The following UTRN variants were observed in gnomAD, a reference collection of about 807,000 sequenced individuals.
UTRN encodes utrophin.
In UTRN, 283 loss-of-function variants were observed where a neutral mutation model predicts 463.9. That is an observed-to-expected ratio of 0.61 (90% CI 0.55 to 0.67). The LOEUF (loss-of-function observed/expected upper bound fraction) is 0.67, where lower values mean the gene tolerates loss of function less well. Ranked by LOEUF, UTRN falls within the 30% of genes least tolerant of loss-of-function variation. The pLI is 0.00. For missense variants in UTRN, 3,922 were observed against 4,084.3 expected, an observed-to-expected ratio of 0.96 and a Z score of 1.08; for synonymous variants, 1,442 against 1,431.5, an observed-to-expected ratio of 1.01 and a Z score of -0.17.
chr6:144,295,619 G>A (rs1804609568), intron 2 of UTRN, among the ~76,000 whole-genome samples: 2 of 152,180 alleles, frequency 1.3e-5, no homozygotes, highest in African/African-American at 4.8e-5. Context: ...GGATCTAATT[G>A]TTGAGGGAAC....
intron 54 of UTRN, among the ~76,000 whole-genome samples, chr6:144,746,941 A>G (rs965667809): frequency 6.6e-6 from 1 of 152,224 alleles, no homozygotes; most frequent in Non-Finnish European, 1.5e-5. Flanking sequence ...TGCGGTTGCT[A>G]AATATCAATG....
In UTRN at chr6:144,493,387, G is replaced by T. The variant is rs761437286; in HGVS notation, c.4524G>T (p.Thr1508=). 6.2e-7 allele frequency: 1 copy of T among 1,613,884 alleles called. No individual in the cohort carries two copies. Among genetic ancestry groups the T allele is most frequent in the East Asian group, 2.2e-5 (1 of 44,892 alleles). The change falls in exon 33 of 75, where the codon ACG becomes ACT. Residue 1508 remains threonine, a synonymous_variant. Coordinates refer to ENST00000367545, the MANE Select transcript of UTRN (RefSeq NM_007124.3). The stretch of plus-strand genomic sequence containing the variant: ...GACATATTGTCCAGAAACAGCAAAC[G>T]GACAACCCAAAAGGGATGGATGAGC... ...TGRHIVQKQQ[T]DNPKGMDEQL...
At chr6:144,478,954 G>A (rs1043222179) in intron 25 of UTRN, among the ~76,000 whole-genome samples, 7 of 152,054 alleles carry the variant, frequency 4.6e-5, no homozygotes, top group Non-Finnish European at 1.0e-4. Context: ...GTGTCTGTGT[G>A]GCATATACAA....
chr6:144,653,217 T>TC (rs1469566372), intron 51 of UTRN, among the ~76,000 whole-genome samples: 3 of 151,752 alleles, frequency 2.0e-5, no homozygotes, highest in South Asian at 2.1e-4. Flanking sequence ...TACATATCAC[T>TC]CCCCCCCTTT....
chr6:144,563,958 CCAATGCCCACAGAAA>C lies in UTRN; in HGVS notation c.7289+6660_7289+6674del, dbSNP rs369779929. Among the ~76,000 whole-genome samples, 418 of 152,236 alleles carry C rather than the reference CCAATGCCCACAGAAA, an allele frequency of 2.7e-3. 1 individual carries two copies. Among genetic ancestry groups the C allele is most frequent in the African/African-American group, 9.6e-3 (397 of 41,542 alleles). On this transcript the variant is annotated intron_variant, in intron 50 of 74. Coordinates refer to ENST00000367545, the MANE Select transcript of UTRN (RefSeq NM_007124.3). ...GCTCCATATCAAACAAACTAAAGAG[CCAATGCCCACAGAAA>C]CAATGCCCACAGTCTTTGTTTTTGT...
chr6:144,526,644 G>A (rs1414365644), intron 41 of UTRN, among the ~76,000 whole-genome samples: 6 of 150,524 alleles, frequency 4.0e-5, no homozygotes, highest in Non-Finnish European at 8.9e-5. Context: ...CTTCTATTCC[G>A]TATCTTTTAA....
intron 2 of UTRN, among the ~76,000 whole-genome samples, chr6:144,384,365 T>C (rs1159484729): frequency 1.3e-5 from 2 of 152,084 alleles, no homozygotes; most frequent in Middle Eastern, 3.2e-3. Flanking sequence ...ACGAACCCTA[T>C]TGTGGACTGT....
chr6:144,699,662 C>CGCACGT lies in UTRN; in HGVS notation c.7653-425_7653-424insGCACGT, dbSNP rs552466967. 1.5e-3 allele frequency among the ~76,000 whole-genome samples: 232 copies of CGCACGT among 150,282 alleles called. 2 individuals carry two copies. The highest frequency in any genetic ancestry group is 5.4e-3 in the African/African-American group (223 of 41,232). On this transcript the variant is annotated intron_variant, in intron 52 of 74. Coordinates refer to ENST00000367545, the MANE Select transcript of UTRN (RefSeq NM_007124.3). ...TATTTGGATGTGCGTATATACTATA[C>CGCACGT]ATAAACTATCAAAACTTGGTTTATA... is the stretch of plus-strand genomic sequence containing the variant.
chr6:144,759,184 A>G (rs956951988), intron 58 of UTRN, among the ~76,000 whole-genome samples: 5 of 152,078 alleles, frequency 3.3e-5, no homozygotes, highest in South Asian at 4.1e-4. Context: ...CCTACAATGC[A>G]CTGAGTTGTG....
intron 61 of UTRN, among the ~76,000 whole-genome samples, 192 bp from the exon 62 acceptor site, chr6:144,789,001 AC>A (rs1236134785): frequency 6.6e-6 from 1 of 152,198 alleles, no homozygotes; most frequent in Non-Finnish European, 1.5e-5. Flanking sequence ...TTGGCCAAAC[AC>A]CCTGTTAATA....
chr6:144,546,801 C>G (rs534598536), intron 46 of UTRN, among the ~76,000 whole-genome samples: 7 of 151,174 alleles, frequency 4.6e-5, no homozygotes, highest in African/African-American at 1.7e-4. Context: ...AGAGTGAGCC[C>G]CTATCTCAAA....
chr6:144,753,182 C>G (rs1361996709), intron 56 of UTRN, among the ~76,000 whole-genome samples: 1 of 152,170 alleles, frequency 6.6e-6, no homozygotes, highest in Non-Finnish European at 1.5e-5. Flanking sequence ...GGAACAGTAA[C>G]TAGCATTACA....
chr6:144,359,279 A>T (rs1301940256), intron 2 of UTRN, among the ~76,000 whole-genome samples: 1 of 152,228 alleles, frequency 6.6e-6, no homozygotes, highest in Non-Finnish European at 1.5e-5. Flanking sequence ...GACAAACAAA[A>T]ATGTCTCCAG....
At chr6:144,845,873 CTCTT>C (rs1312438998) in intron 73 of UTRN, among the ~76,000 whole-genome samples, 1 of 152,112 alleles carries the variant, frequency 6.6e-6, no homozygotes, top group Non-Finnish European at 1.5e-5. Context: ...TTCATGCCTG[CTCTT>C]TTTTTCTCAC....
intron 54 of UTRN, among the ~76,000 whole-genome samples, chr6:144,732,645 C>T (rs924581673): frequency 6.8e-6 from 1 of 146,686 alleles, no homozygotes; most frequent in African/African-American, 2.5e-5. Context: ...TTTATTGTTT[C>T]ATTTTATGTC....
At chr6:144,536,649 A>G (rs1019110165) in intron 43 of UTRN, among the ~76,000 whole-genome samples, 1 of 152,096 alleles carries the variant, frequency 6.6e-6, no homozygotes, top group Non-Finnish European at 1.5e-5. Context: ...TCCTAGCTGC[A>G]AAAACATAAA....
intron 54 of UTRN, among the ~76,000 whole-genome samples, chr6:144,742,534 C>T (rs1355080217): frequency 1.3e-5 from 2 of 152,110 alleles, no homozygotes; most frequent in Non-Finnish European, 2.9e-5. Context: ...GAGAGCAAGT[C>T]AAGTCTTTTC....
chr6:144,572,284 A>AT (rs1284571387), intron 50 of UTRN, among the ~76,000 whole-genome samples: 1 of 151,512 alleles, frequency 6.6e-6, no homozygotes, highest in Admixed American at 6.6e-5. Context: ...CTCCTTCTTG[A>AT]TTTGCAAACT....
chr6:144,585,215 A>G (rs918382774), intron 51 of UTRN, among the ~76,000 whole-genome samples: 3 of 152,122 alleles, frequency 2.0e-5, no homozygotes, highest in African/African-American at 7.2e-5. Context: ...GCTTTTTGGG[A>G]AGACTTCTTG....
Sources: gnomAD v4.1 joint callset for allele counts (sites outside exome capture counted in the v4.1 genomes callset) on GRCh38, gnomAD v4.1.1 for gene constraint, MANE v1.5 for transcripts, NCBI Gene and HGNC (gene_info 2026-07-23, HGNC 2026-07-21) for gene names.